BRWD3: variants seen among roughly 807,000 people sequenced by gnomAD.
BRWD3 encodes the protein bromodomain and WD repeat domain containing 3.
A neutral mutation model predicts 149.7 loss-of-function variants in BRWD3; 10 were observed. The observed-to-expected ratio is 0.07, with a 90% confidence interval of 0.04 to 0.11. The LOEUF is 0.11. BRWD3 is among the 10% of genes least tolerant of loss of function. The pLI, the probability that BRWD3 is intolerant of heterozygous loss-of-function variation, is 1.00. For missense variants in BRWD3, 940 were observed against 1,373.2 expected (o/e 0.68, Z 4.99); for synonymous variants, 504 against 456.7 (o/e 1.10, Z -1.32).
At chrX:80,688,012 T>A in intron 34 of BRWD3, 57 bp downstream of exon 34, 1 of 958,699 alleles carries the variant, frequency 1.0e-6, no homozygotes, top group Admixed American at 2.2e-5. Flanking sequence ...GTCTTAGGGA[T>A]CACTGACACA....
chrX:80,677,389 T>C (rs2072378167), intron 40 of BRWD3, 26 bp from the exon 41 acceptor site: 2 of 1,185,581 alleles, frequency 1.7e-6, no homozygotes, highest in Admixed American at 2.4e-5. Flanking sequence ...TGATTTTTAA[T>C]AGTTAAGCTT....
chrX:80,806,708 T>C (rs921334248), intron 4 of BRWD3, among the ~76,000 whole-genome samples: 2 of 112,404 alleles, frequency 1.8e-5, no homozygotes, highest in African/African-American at 6.5e-5. Flanking sequence ...AATCATATCG[T>C]ACCTTAAATA....
intron 22 of BRWD3, among the ~76,000 whole-genome samples, 163 bp from the exon 23 acceptor site, chrX:80,705,009 T>C (rs945104808): frequency 2.7e-5 from 3 of 112,126 alleles, no homozygotes; most frequent in African/African-American, 9.7e-5. Flanking sequence ...GGCTCACACC[T>C]GTAATCCCAG....
chrX:80,776,449 A>C (rs1475921804), intron 6 of BRWD3, among the ~76,000 whole-genome samples: 1 of 112,611 alleles, frequency 8.9e-6, no homozygotes, highest in African/African-American at 3.2e-5. Context: ...TCCTTAAGTA[A>C]AATTAATAAC....
chrX:80,785,352 G>C (rs1403346724), intron 6 of BRWD3, among the ~76,000 whole-genome samples: 1 of 111,810 alleles, frequency 8.9e-6, no homozygotes, highest in Non-Finnish European at 1.9e-5. Context: ...AAATATCACA[G>C]ATATTTTTGC....
chrX:80,697,831 C>T (rs1327317162), intron 25 of BRWD3, among the ~76,000 whole-genome samples: 1 of 111,984 alleles, frequency 8.9e-6, no homozygotes, highest in Non-Finnish European at 1.9e-5. Flanking sequence ...TGGGTATATA[C>T]CCAGTAATGG....
rs1477940393 is a variant in BRWD3, at chrX:80,681,518, T to G, written c.4496-19A>C. ...TCTGAAACTTACATTTTAAAAGATTTTAATACTAACATAATTATCATGTTT... is the reference window on the plus strand; with the variant it reads ...TCTGAAACTTACATTTTAAAAGATTGTAATACTAACATAATTATCATGTTT... On this transcript the variant is annotated intron_variant, in intron 39 of 40. Coordinates refer to ENST00000373275, the MANE Select transcript of BRWD3 (RefSeq NM_153252.5). 1 of 1,153,955 alleles carries G rather than the reference T, an allele frequency of 8.7e-7. No homozygotes were observed. Among genetic ancestry groups the G allele is most frequent in the Admixed American group, 2.2e-5 (1 of 45,753 alleles).
intron 5 of BRWD3, among the ~76,000 whole-genome samples, chrX:80,792,742 T>G (rs888511755): frequency 5.4e-5 from 6 of 111,642 alleles, no homozygotes; most frequent in Admixed American, 3.8e-4. Flanking sequence ...AATAGGCATC[T>G]TTAATGCCTA....
chrX:80,676,939 T>C lies in BRWD3; in HGVS notation c.5079A>G (p.Gly1693=). The C allele has an allele frequency of 8.3e-7, 1 of 1,200,713 alleles. No individual in the cohort carries two copies. Among genetic ancestry groups the C allele is most frequent in the Non-Finnish European group, 1.1e-6 (1 of 886,141 alleles). The change falls in exon 41 of 41, where the codon GGA becomes GGG. Residue 1693 remains glycine (G), a synonymous_variant. Coordinates refer to ENST00000373275, the MANE Select transcript of BRWD3 (RefSeq NM_153252.5). Reference sequence around the variant, plus strand: ...CTCCACCTCTTCCTCGACTCCCTCGTCCCCTGCCTCCTCTTCCTCTGCCTC... The same window carrying C: ...CTCCACCTCTTCCTCGACTCCCTCGCCCCCTGCCTCCTCTTCCTCTGCCTC... ...SRGGRGRGGR[G]RGSRGRGGGG...
chrX:80,717,626 G>T lies in BRWD3; in HGVS notation c.2178C>A (p.Leu726=), dbSNP rs140464820. The T allele has an allele frequency of 3.3e-6, 4 of 1,209,703 alleles. No homozygotes were observed. The highest frequency in any genetic ancestry group is 4.5e-6 in the Non-Finnish European group (4 of 894,936). Reference sequence around the variant, plus strand: ...CCACCACTCTTCTGCTCCACGCCATGAGATCTCTTTCAGTGGCCATCTGGC... The same window carrying T: ...CCACCACTCTTCTGCTCCACGCCATTAGATCTCTTTCAGTGGCCATCTGGC... ...PRSQMATERD[L]MAWSRRVVVN... Residue 726 remains leucine (L), a synonymous_variant, in exon 19 of 41, where the codon CTC becomes CTA. Coordinates refer to ENST00000373275, the MANE Select transcript of BRWD3 (RefSeq NM_153252.5).
rs751660111 is a variant in BRWD3 at position 80,796,627 on chromosome X, C to CA, written c.181-2856dup. Among the ~76,000 whole-genome samples, 524 of 108,331 alleles carry CA rather than the reference C, an allele frequency of 4.8e-3. 3 individuals carry two copies. The highest frequency in any genetic ancestry group is 0.016 in the African/African-American group (479 of 29,857). 94.1% of individuals were successfully genotyped at this position (108,331 alleles called of 115,157 possible). A position where few individuals can be genotyped will look rare whatever the true frequency, so the allele number is the denominator to read the frequency against. ...GCTATATATCTTTGGTAAGTTCCTT[C>CA]AAAAAAAAACAATTTGAATCTACCA... On this transcript the variant is annotated intron_variant, in intron 4 of 40. Coordinates refer to ENST00000373275, the MANE Select transcript of BRWD3 (RefSeq NM_153252.5).
chrX:80,806,141 T>C (rs973667059), intron 4 of BRWD3, among the ~76,000 whole-genome samples: 45 of 111,434 alleles, frequency 4.0e-4, no homozygotes, highest in African/African-American at 1.4e-3. Context: ...CATCTTCTCT[T>C]ACAAAGAAGT....
At chrX:80,804,147 T>TAAG (rs1256498553) in intron 4 of BRWD3, among the ~76,000 whole-genome samples, 1 of 112,340 alleles carries the variant, frequency 8.9e-6, no homozygotes, top group Non-Finnish European at 1.9e-5. Flanking sequence ...ATTCCAAATG[T>TAAG]AAGCGCTAAC....
At chrX:80,709,280 C>A (rs1292762036) in intron 21 of BRWD3, 148 bp downstream of exon 21, 3 of 405,721 alleles carry the variant, frequency 7.4e-6, no homozygotes, top group South Asian at 6.7e-5. Context: ...CCCAAATATA[C>A]CTACTAAATG....
chrX:80,677,462 A>AT (rs1355596597), intron 40 of BRWD3, 99 bp from the exon 41 acceptor site: 1 of 1,052,839 alleles, frequency 9.5e-7, no homozygotes, highest in Non-Finnish European at 1.3e-6. Flanking sequence ...AATATGTGGA[A>AT]TACAATCATG....
rs746880505 is a variant in BRWD3 at position 80,716,871 on chromosome X, C to CT, written c.2232-622dup. 366 of 105,440 alleles carry CT rather than the reference C, an allele frequency of 3.5e-3. 1 individual carries two copies. Among genetic ancestry groups the CT allele is most frequent in the African/African-American group, 0.011 (317 of 29,216 alleles). The allele number at this position is 105,440 out of a possible 1,213,427, so 8.7% of individuals were successfully genotyped here. On this transcript the variant is annotated intron_variant, in intron 19 of 40. Transcript: ENST00000373275. ...TTTACTCCAAAGACATTAATTATGTCTTTTTTTTTTTCTTATCACTGCTGC... is the reference window on the plus strand; with the variant it reads ...TTTACTCCAAAGACATTAATTATGTCTTTTTTTTTTTTCTTATCACTGCTGC...
intron 4 of BRWD3, among the ~76,000 whole-genome samples, chrX:80,802,464 AAAAAT>A (rs2074310165): frequency 9.3e-6 from 1 of 107,391 alleles, no homozygotes; most frequent in African/African-American, 3.4e-5. Context: ...AAAAAAAAAA[AAAAAT>A]TAAAAATTAA....
chrX:80,737,260 T>A (rs1294764780), intron 8 of BRWD3, among the ~76,000 whole-genome samples: 2 of 111,427 alleles, frequency 1.8e-5, no homozygotes. Context: ...AATGGTATGG[T>A]ATTTGCAGAT....
chrX:80,685,534 A>C lies in BRWD3; in HGVS notation c.4008T>G (p.Gly1336=), dbSNP rs750170357. 64 of 1,196,265 alleles carry C rather than the reference A, an allele frequency of 5.3e-5. No individual in the cohort carries two copies. The highest frequency in any genetic ancestry group is 7.1e-5 in the Non-Finnish European group (63 of 883,569). ...RQPADLLSYP[G]HQEQEGESSE... is the part of the protein sequence containing the mutation. ...AGGATTCTCCCTCTTGCTCCTGATG[A>C]CCCTATTAGGGTGAAGAACATATAC... The change falls in exon 36 of 41, where the codon GGT becomes GGG. Residue 1336 remains glycine, a splice_region_variant and synonymous_variant. Transcript: ENST00000373275.
Sources: gnomAD v4.1 joint callset for allele counts (sites outside exome capture counted in the v4.1 genomes callset) on GRCh38, gnomAD v4.1.1 for gene constraint, MANE v1.5 for transcripts, NCBI Gene and HGNC (gene_info 2026-07-23, HGNC 2026-07-21) for gene names.